Variants in SETBP1 observed in about 807,000 individuals in gnomAD.
The protein encoded by SETBP1 is SET-binding protein.
SETBP1 carries 9 observed loss-of-function variants against 101.0 expected under a neutral mutation model. That is an observed-to-expected ratio of 0.09 (90% CI 0.05 to 0.16). The LOEUF (loss-of-function observed/expected upper bound fraction) is 0.16. Among genes scored for constraint, SETBP1 ranks in the 10% least tolerant of loss-of-function variants. The probability of loss-of-function intolerance (pLI) is 1.00; values close to 1 mark genes in which losing one functional copy is unlikely to be tolerated. For synonymous variants in SETBP1, 818 were observed against 788.5 expected (o/e 1.04, Z -0.63); for missense variants, 1,858 against 2,033.8 (o/e 0.91, Z 1.66).
chr18:44,899,172 A>T (rs2069977807), intron 3 of SETBP1, among the ~76,000 whole-genome samples: 1 of 152,222 alleles, frequency 6.6e-6, no homozygotes, highest in Non-Finnish European at 1.5e-5. Context: ...TTTTGCCTTT[A>T]TTAATATCCA....
chr18:44,687,362 G>A (rs189322437), intron 1 of SETBP1, among the ~76,000 whole-genome samples: 144 of 152,266 alleles, frequency 9.5e-4, no homozygotes, highest in Admixed American at 3.9e-3. Context: ...TAATGGCGCC[G>A]CCAACAACTG....
At chr18:44,968,169 A>C (rs141890101) in intron 4 of SETBP1, among the ~76,000 whole-genome samples, 163 of 152,304 alleles carry the variant, frequency 1.1e-3, no homozygotes, top group Non-Finnish European at 1.8e-3. Context: ...TACACTGGGA[A>C]TAAAGAGGAA....
chr18:44,855,351 AT>A (rs1340432404), intron 2 of SETBP1, among the ~76,000 whole-genome samples: 1 of 152,146 alleles, frequency 6.6e-6, no homozygotes, highest in Non-Finnish European at 1.5e-5. Context: ...TCCTAAAAAA[AT>A]AAATATTTAT....
Position 44,719,291 on chromosome 18 carries a change from G to A in SETBP1, c.486+17459G>A, listed in dbSNP as rs531003753. ...AATCAGGTTCAGAAGTGGAGGCCACGCGAGAGCTGACCACTTCATGGAGGA... is the reference window on the plus strand; with the variant it reads ...AATCAGGTTCAGAAGTGGAGGCCACACGAGAGCTGACCACTTCATGGAGGA... On this transcript the variant is annotated intron_variant, in intron 2 of 5. Coordinates refer to ENST00000649279, the MANE Select transcript of SETBP1 (RefSeq NM_015559.3). 4.6e-5 allele frequency among the ~76,000 whole-genome samples: 7 copies of A among 152,284 alleles called. No homozygotes were observed. The South Asian group carries it at 1.2e-3, about 27-fold the overall frequency.
chr18:44,944,261 A>G (rs2145062210), intron 3 of SETBP1, among the ~76,000 whole-genome samples: 1 of 152,344 alleles, frequency 6.6e-6, no homozygotes, highest in East Asian at 1.9e-4. Flanking sequence ...TCAGAGAGCA[A>G]AACAGGAATG....
chr18:44,708,418 T>C lies in SETBP1; in HGVS notation c.486+6586T>C, dbSNP rs1415042538. On this transcript the variant is annotated intron_variant, in intron 2 of 5. Coordinates refer to ENST00000649279, the MANE Select transcript of SETBP1 (RefSeq NM_015559.3). ...ACAAGAGGTTGAATTTCCCCTCTTG[T>C]TTCATTTTAGTTTTTGTCTCCTGAG... 2.0e-5 allele frequency among the ~76,000 whole-genome samples: 3 copies of C among 152,192 alleles called. No homozygotes were observed. The South Asian group carries it at 6.2e-4, about 32-fold the overall frequency.
intron 2 of SETBP1, among the ~76,000 whole-genome samples, chr18:44,773,970 C>T (rs12971252): frequency 2.0e-5 from 3 of 151,770 alleles, no homozygotes; most frequent in Non-Finnish European, 4.4e-5. Flanking sequence ...TTCTAGTTTC[C>T]TACCACAACC....
intron 4 of SETBP1, among the ~76,000 whole-genome samples, chr18:44,977,014 A>G (rs1314032577): frequency 6.6e-6 from 1 of 152,230 alleles, no homozygotes; most frequent in African/African-American, 2.4e-5. Flanking sequence ...TGATATATGT[A>G]AAGAACATAT....
rs149596266 is a variant in SETBP1 at position 44,896,763 on chromosome 18, T to C, written c.540+27480T>C. Among the ~76,000 whole-genome samples, 176 of 152,250 alleles carry C rather than the reference T, an allele frequency of 1.2e-3. 1 individual carries two copies. The highest frequency in any genetic ancestry group is 4.1e-3 in the African/African-American group (169 of 41,554). ...GTGAGCCACCACACCCAGCCCTACA[T>C]CCAAATTTTGACTCTTCAGGCTAAA... On this transcript the variant is annotated intron_variant, in intron 3 of 5. Transcript: ENST00000649279.
At chr18:44,697,056 A>G (rs1463490178) in intron 1 of SETBP1, 1 of 152,298 alleles carries the variant, frequency 6.6e-6, no homozygotes, top group African/African-American at 2.4e-5. Flanking sequence ...GCCTGAGCCA[A>G]GTACAGAGTG....
chr18:44,915,601 C>A (rs1001059973), intron 3 of SETBP1, among the ~76,000 whole-genome samples: 1 of 152,102 alleles, frequency 6.6e-6, no homozygotes, highest in East Asian at 1.9e-4. Context: ...ACATGTCAGA[C>A]GGGCAAGATG....
At chr18:44,741,552 G>A (rs1483725228) in intron 2 of SETBP1, among the ~76,000 whole-genome samples, 1 of 151,930 alleles carries the variant, frequency 6.6e-6, no homozygotes, top group Non-Finnish European at 1.5e-5. Context: ...TATTATTTAT[G>A]ACGGTCATTG....
chr18:44,993,575 T>C (rs376829488), intron 4 of SETBP1, among the ~76,000 whole-genome samples: 3 of 152,068 alleles, frequency 2.0e-5, no homozygotes, highest in East Asian at 3.9e-4. Context: ...ACAAAATACA[T>C]ATAGGATTTC....
chr18:44,687,258 T>G (rs2068854363), intron 1 of SETBP1, among the ~76,000 whole-genome samples: 2 of 152,340 alleles, frequency 1.3e-5, no homozygotes, highest in African/African-American at 4.8e-5. Flanking sequence ...TGGAGTGGTA[T>G]AGAGTGTCCC....
chr18:44,821,037 T>C (rs1029172045), intron 2 of SETBP1, among the ~76,000 whole-genome samples: 2 of 152,286 alleles, frequency 1.3e-5, no homozygotes, highest in East Asian at 1.9e-4. Flanking sequence ...CAAAGAAATA[T>C]ATTGCTTCCC....
intron 3 of SETBP1, among the ~76,000 whole-genome samples, chr18:44,875,379 G>A (rs771448649): frequency 1.5e-4 from 23 of 151,898 alleles, no homozygotes; most frequent in South Asian, 6.2e-4. Context: ...CTAGCTGGGC[G>A]TGGTGCTGCG....
chr18:44,711,978 C>G (rs1469029252), intron 2 of SETBP1, among the ~76,000 whole-genome samples: 1 of 152,172 alleles, frequency 6.6e-6, no homozygotes, highest in African/African-American at 2.4e-5. Context: ...CCTGCCTGCC[C>G]CTTCTTCCCT....
chr18:44,763,675 AT>A (rs2070706712), intron 2 of SETBP1, among the ~76,000 whole-genome samples: 1 of 152,238 alleles, frequency 6.6e-6, no homozygotes. Flanking sequence ...AATTTAAATA[AT>A]CTTTGGAGAG....
At chr18:44,801,987 A>C (rs1291904992) in intron 2 of SETBP1, among the ~76,000 whole-genome samples, 1 of 152,132 alleles carries the variant, frequency 6.6e-6, no homozygotes, top group African/African-American at 2.4e-5. Context: ...AGCCCAGGTT[A>C]AAGGAATTAG....
Sources: allele counts gnomAD v4.1 joint callset (sites outside exome capture counted in the v4.1 genomes callset), GRCh38; gene constraint gnomAD v4.1.1; transcripts MANE v1.5; gene names NCBI Gene and HGNC (gene_info 2026-07-23, HGNC 2026-07-21).